The following MEI4 variants were observed in gnomAD, a reference collection of about 807,000 sequenced individuals.
MEI4 encodes meiosis-specific protein MEI4.
A neutral mutation model predicts 31.4 loss-of-function variants in MEI4; 27 were observed. The ratio of observed to expected loss-of-function variants is 0.86; its 90% CI spans 0.63 to 1.19. The LOEUF is 1.19. MEI4 is among the 50% of genes most tolerant of loss of function. MEI4 has a pLI of 0.00. For synonymous variants in MEI4, 122 were observed against 145.4 expected, an observed-to-expected ratio of 0.84 and a Z score of 1.16; for missense variants, 329 against 398.9, an observed-to-expected ratio of 0.82 and a Z score of 1.49.
At chr6:77,780,565 C>T (rs1313391572) in intron 3 of MEI4, among the ~76,000 whole-genome samples, 1 of 152,136 alleles carries the variant, frequency 6.6e-6, no homozygotes, top group Non-Finnish European at 1.5e-5. Context: ...GGCAATGCAG[C>T]TGTTGGCACA....
intron 4 of MEI4, among the ~76,000 whole-genome samples, chr6:77,839,166 G>T (rs1770296063): frequency 6.6e-6 from 1 of 152,036 alleles, no homozygotes; most frequent in African/African-American, 2.4e-5. Context: ...AGTATGGAAG[G>T]AATCCTCGGG....
chr6:77,879,539 T>C (rs1257991465), intron 4 of MEI4, among the ~76,000 whole-genome samples: 1 of 152,206 alleles, frequency 6.6e-6, no homozygotes, highest in Non-Finnish European at 1.5e-5. Flanking sequence ...GTCACACATA[T>C]TTACATTTTG....
At chr6:77,761,837 T>A (rs747537567) in intron 3 of MEI4, among the ~76,000 whole-genome samples, 172 bp downstream of exon 3, 4 of 152,200 alleles carry the variant, frequency 2.6e-5, no homozygotes, top group African/African-American at 7.2e-5. Context: ...ACTTCTAGCC[T>A]CTGATTGCTA....
chr6:77,672,988 A>G (rs1267653694), intron 1 of MEI4, among the ~76,000 whole-genome samples: 1 of 152,262 alleles, frequency 6.6e-6, no homozygotes, highest in Non-Finnish European at 1.5e-5. Flanking sequence ...CTTTAATAAC[A>G]GCAATCATGA....
intron 3 of MEI4, among the ~76,000 whole-genome samples, chr6:77,799,067 C>T (rs1490961143): frequency 4.9e-4 from 75 of 152,068 alleles, no homozygotes; most frequent in African/African-American, 1.6e-3. Flanking sequence ...GGAATCACCA[C>T]ACTGACTTCC....
chr6:77,746,722 G>A (rs10943488), intron 2 of MEI4, among the ~76,000 whole-genome samples: 1 of 151,412 alleles, frequency 6.6e-6, no homozygotes, highest in African/African-American at 2.4e-5. Context: ...CCTAATAAAG[G>A]TGTCAAAGTT....
chr6:77,871,500 A>G (rs917026010), intron 4 of MEI4, among the ~76,000 whole-genome samples: 6 of 152,142 alleles, frequency 3.9e-5, no homozygotes, highest in Non-Finnish European at 5.9e-5. Context: ...AACATTGGGT[A>G]CACCTGGACA....
intron 1 of MEI4, among the ~76,000 whole-genome samples, chr6:77,671,463 C>T (rs1431343627): frequency 1.3e-5 from 2 of 151,672 alleles, no homozygotes; most frequent in East Asian, 3.9e-4. Flanking sequence ...GACTCCCAAG[C>T]GTGAAATATG....
chr6:77,892,822 T>TATA lies in MEI4; in HGVS notation c.901-30267_901-30266insATA, dbSNP rs1765997572. On this transcript the variant is annotated intron_variant, in intron 4 of 4. Transcript: ENST00000684080. Reference sequence around the variant, plus strand: ...CTGTTGGGCCCCAAACAGTATATAGTTTGGTGGGGGCTGGACTCTCCAAAT... The same window carrying TATA: ...CTGTTGGGCCCCAAACAGTATATAGTATATTGGTGGGGGCTGGACTCTCCAAAT... 1.3e-5 allele frequency among the ~76,000 whole-genome samples: 2 copies of TATA among 151,938 alleles called. 1 individual carries two copies. The highest frequency in any genetic ancestry group is 2.9e-5 in the Non-Finnish European group (2 of 68,006).
chr6:77,801,341 C>A (rs1769250773), intron 3 of MEI4, among the ~76,000 whole-genome samples: 2 of 151,934 alleles, frequency 1.3e-5, no homozygotes, highest in South Asian at 4.1e-4. Context: ...TGGTGATATC[C>A]CCTTTATCAT....
At chr6:77,881,319 C>G (rs547929352) in intron 4 of MEI4, among the ~76,000 whole-genome samples, 2 of 152,012 alleles carry the variant, frequency 1.3e-5, no homozygotes, top group African/African-American at 2.4e-5. Flanking sequence ...CTACAGAACC[C>G]TTTTTTCAGG....
chr6:77,872,590 A>G (rs1315093357), intron 4 of MEI4, among the ~76,000 whole-genome samples: 1 of 151,616 alleles, frequency 6.6e-6, no homozygotes, highest in African/African-American at 2.4e-5. Flanking sequence ...TTATTTTATT[A>G]TTATTATACT....
At chr6:77,723,287 CG>C (rs1400377928) in intron 2 of MEI4, among the ~76,000 whole-genome samples, 2 of 138,792 alleles carry the variant, frequency 1.4e-5, no homozygotes, top group African/African-American at 5.3e-5. Context: ...CCACTTGTGG[CG>C]GGGGACAATT....
chr6:77,911,999 T>G (rs952678239), intron 4 of MEI4, among the ~76,000 whole-genome samples: 1 of 151,982 alleles, frequency 6.6e-6, no homozygotes, highest in African/African-American at 2.4e-5. Flanking sequence ...TGAGTTGAAT[T>G]TTGTATATGG....
chr6:77,824,087 G>A, intron 3 of MEI4, among the ~76,000 whole-genome samples: 1 of 152,232 alleles, frequency 6.6e-6, no homozygotes, highest in East Asian at 1.9e-4. Flanking sequence ...TTGATAAACA[G>A]CACAAGTCAC....
chr6:77,807,593 C>A (rs548878749), intron 3 of MEI4, among the ~76,000 whole-genome samples: 19 of 152,234 alleles, frequency 1.2e-4, no homozygotes, highest in African/African-American at 4.1e-4. Context: ...ATACTGCTAA[C>A]CCTGCTAATA....
chr6:77,755,852 G>GTGCA (rs1290377086), intron 2 of MEI4, among the ~76,000 whole-genome samples: 1 of 112,154 alleles, frequency 8.9e-6, no homozygotes, highest in Non-Finnish European at 2.1e-5. Flanking sequence ...GTGTGTGTGT[G>GTGCA]TGTATTTTAC....
intron 3 of MEI4, among the ~76,000 whole-genome samples, chr6:77,766,340 C>T (rs1297966211): frequency 6.6e-6 from 1 of 151,878 alleles, no homozygotes; most frequent in Non-Finnish European, 1.5e-5. Context: ...GCTTCAATCA[C>T]AGTGATTTTT....
intron 2 of MEI4, among the ~76,000 whole-genome samples, chr6:77,728,666 C>T (rs1766889317): frequency 1.3e-5 from 2 of 152,142 alleles, no homozygotes; most frequent in African/African-American, 2.4e-5. Flanking sequence ...AGCCTTTATT[C>T]AGAAGGGAAT....
Sources: gnomAD v4.1 joint callset for allele counts (sites outside exome capture counted in the v4.1 genomes callset) on GRCh38, gnomAD v4.1.1 for gene constraint, MANE v1.5 for transcripts, NCBI Gene and HGNC (gene_info 2026-07-23, HGNC 2026-07-21) for gene names.